GALNT13: variants seen among roughly 807,000 people sequenced by gnomAD.
The protein encoded by GALNT13 is polypeptide N-acetylgalactosaminyltransferase 13.
GALNT13 carries 28 observed loss-of-function variants against 64.2 expected under a neutral mutation model. The observed-to-expected ratio is 0.44, with a 90% CI of 0.32 to 0.60. GALNT13 has a LOEUF of 0.60. GALNT13 is among the 20% of genes least tolerant of loss of function. The probability of loss-of-function intolerance (pLI) is 0.05; values close to 1 mark genes in which losing one functional copy is unlikely to be tolerated. For synonymous variants in GALNT13, 214 were observed against 224.6 expected, an observed-to-expected ratio of 0.95 and a Z score of 0.42; for missense variants, 577 against 669.8, an observed-to-expected ratio of 0.86 and a Z score of 1.53.
At chr2:154,037,884 TG>T (rs1448109328) in intron 3 of GALNT13, among the ~76,000 whole-genome samples, 4 of 152,174 alleles carry the variant, frequency 2.6e-5, no homozygotes, top group South Asian at 2.1e-4. Flanking sequence ...CTAGGCACAG[TG>T]GCTCATGCCT....
At chr2:153,273,320 G>A in the GALNT13 span, among the ~76,000 whole-genome samples, 3 of 152,218 alleles carry the variant, frequency 2.0e-5, no homozygotes, top group South Asian at 6.2e-4. Context: ...AAAGAAAAGA[G>A]GAATTAGGTT....
chr2:153,331,270 A>G, the GALNT13 span, among the ~76,000 whole-genome samples: 1 of 150,298 alleles, frequency 6.7e-6, no homozygotes, highest in Non-Finnish European at 1.5e-5. Context: ...TTGGTATCAG[A>G]GTAATGCTCT....
intron 9 of GALNT13, among the ~76,000 whole-genome samples, chr2:154,324,247 T>A (rs1694769137): frequency 6.6e-6 from 1 of 152,078 alleles, no homozygotes; most frequent in Admixed American, 6.6e-5. Context: ...GTTTTTAAAT[T>A]ATTTTAACAT....
intron 1 of GALNT13, among the ~76,000 whole-genome samples, chr2:153,891,503 T>C (rs1316741638): frequency 6.7e-6 from 1 of 149,242 alleles, no homozygotes; most frequent in East Asian, 2.0e-4. Flanking sequence ...GCCACTTATG[T>C]CATTTATAAG....
At chr2:153,663,244 A>C in the GALNT13 span, among the ~76,000 whole-genome samples, 1 of 152,206 alleles carries the variant, frequency 6.6e-6, no homozygotes, top group Non-Finnish European at 1.5e-5. Context: ...TGTAAAAACA[A>C]TGCAAAGCAG....
chr2:153,668,059 A>G, the GALNT13 span, among the ~76,000 whole-genome samples: 242 of 152,278 alleles, frequency 1.6e-3, 1 homozygote, highest in African/African-American at 5.7e-3. Flanking sequence ...CATAATAATT[A>G]TATATATTCT....
intron 4 of GALNT13, among the ~76,000 whole-genome samples, chr2:154,162,952 T>C (rs1346889571): frequency 6.7e-6 from 1 of 150,108 alleles, no homozygotes; most frequent in Non-Finnish European, 1.5e-5. Context: ...ACCCACATTC[T>C]TTTTTTTTAT....
the GALNT13 span, among the ~76,000 whole-genome samples, chr2:153,647,787 A>G: frequency 6.6e-6 from 1 of 151,958 alleles, no homozygotes; most frequent in Non-Finnish European, 1.5e-5. Context: ...GATGTGTGTT[A>G]TTATTTCTGA....
chr2:153,243,190 T>C, the GALNT13 span, among the ~76,000 whole-genome samples: 1,630 of 152,270 alleles, frequency 0.011, 28 homozygotes, highest in African/African-American at 0.037. Flanking sequence ...CAAAATAGGC[T>C]GATTGGCTTT....
At chr2:153,852,932 G>A in the GALNT13 span, among the ~76,000 whole-genome samples, 4 of 152,200 alleles carry the variant, frequency 2.6e-5, no homozygotes, top group African/African-American at 9.6e-5. Flanking sequence ...AGGATCACCA[G>A]GTAAAGTCCC....
chr2:153,944,408 C>T lies in GALNT13; in HGVS notation c.-90C>T. 1 of 1,181,828 alleles carries T rather than the reference C, an allele frequency of 8.5e-7. No individual in the cohort carries two copies. Among genetic ancestry groups the T allele is most frequent in the Non-Finnish European group, 1.2e-6 (1 of 826,082 alleles). 73.2% of individuals were successfully genotyped at this position (1,181,828 alleles called of 1,614,324 possible). Reference sequence around the variant, plus strand: ...TTTTAATGCAGTGGAATGTATCCTGCTTTCATCTTGGAGTTCACCTGTGTG... The same window carrying T: ...TTTTAATGCAGTGGAATGTATCCTGTTTTCATCTTGGAGTTCACCTGTGTG... On this transcript the variant is annotated 5_prime_UTR_variant, in exon 3 of 13. Transcript: ENST00000392825.
At chr2:153,128,540 A>G in the GALNT13 span, among the ~76,000 whole-genome samples, 13 of 152,124 alleles carry the variant, frequency 8.5e-5, no homozygotes, top group African/African-American at 2.7e-4. Flanking sequence ...GAGCCAAACC[A>G]TATCAGCTAG....
chr2:153,288,071 G>T, the GALNT13 span, among the ~76,000 whole-genome samples: 4 of 152,296 alleles, frequency 2.6e-5, no homozygotes, highest in South Asian at 8.3e-4. Flanking sequence ...CTGGGGCATA[G>T]TTGGTAAAAC....
chr2:153,170,898 T>C, the GALNT13 span, among the ~76,000 whole-genome samples: 2 of 152,374 alleles, frequency 1.3e-5, no homozygotes, highest in African/African-American at 4.8e-5. Context: ...GTTATTTAGC[T>C]TTTGATTAAC....
chr2:154,454,010 T>C (rs1701971240), downstream of GALNT13, among the ~76,000 whole-genome samples: 1 of 152,198 alleles, frequency 6.6e-6, no homozygotes, highest in Admixed American at 6.5e-5. Flanking sequence ...AAAATGGTTT[T>C]TATTTTTTGG....
intron 9 of GALNT13, among the ~76,000 whole-genome samples, chr2:154,369,103 A>C (rs184304669): frequency 7.3e-6 from 1 of 136,338 alleles, no homozygotes; most frequent in African/African-American, 2.6e-5. Flanking sequence ...ACAATTCTGG[A>C]AAAAAAATGT....
chr2:154,060,951 A>G (rs1473503529), intron 3 of GALNT13, among the ~76,000 whole-genome samples: 1 of 152,162 alleles, frequency 6.6e-6, no homozygotes, highest in Non-Finnish European at 1.5e-5. Flanking sequence ...ATTATTATTT[A>G]TAAAGGGAAA....
the GALNT13 span, among the ~76,000 whole-genome samples, chr2:153,627,298 C>A: frequency 6.6e-6 from 1 of 152,010 alleles, no homozygotes; most frequent in East Asian, 1.9e-4. Context: ...TTAAAAATTT[C>A]TGGTATTTTT....
the GALNT13 span, among the ~76,000 whole-genome samples, chr2:153,320,155 T>C: frequency 6.6e-6 from 1 of 152,236 alleles, no homozygotes; most frequent in Admixed American, 6.5e-5. Flanking sequence ...GCAGCTAGGC[T>C]TGATGGCCCC....
Sources: gnomAD v4.1 joint callset for allele counts (sites outside exome capture counted in the v4.1 genomes callset) on GRCh38, gnomAD v4.1.1 for gene constraint, MANE v1.5 for transcripts, NCBI Gene and HGNC (gene_info 2026-07-23, HGNC 2026-07-21) for gene names.